The following SYN3 variants were observed in gnomAD, a reference collection of about 807,000 sequenced individuals.
SYN3 encodes synapsin III, also known as synapsin-3.
A neutral mutation model predicts 65.8 loss-of-function variants in SYN3; 35 were observed. That is an observed-to-expected ratio of 0.53 (90% CI 0.41 to 0.70). The LOEUF (loss-of-function observed/expected upper bound fraction) is 0.70, where lower values mean the gene tolerates loss of function less well. Among genes scored for constraint, SYN3 ranks in the 30% least tolerant of loss-of-function variants. The probability of loss-of-function intolerance (pLI) is 0.00; values close to 1 mark genes in which losing one functional copy is unlikely to be tolerated. For synonymous variants in SYN3, 270 were observed against 292.9 expected (o/e 0.92, Z 0.80); for missense variants, 680 against 749.0 (o/e 0.91, Z 1.08).
At chr22:32,563,128 C>T (rs1046919441) in intron 7 of SYN3, among the ~76,000 whole-genome samples, 2 of 152,252 alleles carry the variant, frequency 1.3e-5, no homozygotes, top group Non-Finnish European at 2.9e-5. Flanking sequence ...GTTCCCACTC[C>T]TTCAACTGTA....
intron 6 of SYN3, among the ~76,000 whole-genome samples, chr22:32,824,595 C>T (rs1434211398): frequency 6.6e-6 from 1 of 152,028 alleles, no homozygotes; most frequent in Non-Finnish European, 1.5e-5. Context: ...ATATATATGT[C>T]ATTGAACTCA....
chr22:32,599,314 C>T (rs2146605128), intron 6 of SYN3, among the ~76,000 whole-genome samples: 1 of 149,416 alleles, frequency 6.7e-6, no homozygotes, highest in African/African-American at 2.5e-5. Flanking sequence ...CAGCTGAAGC[C>T]CCTGATGTAC....
At chr22:32,978,845 T>C (rs1422416875) in intron 3 of SYN3, among the ~76,000 whole-genome samples, 4 of 151,988 alleles carry the variant, frequency 2.6e-5, no homozygotes, top group African/African-American at 2.4e-5. Flanking sequence ...ATCTAGCAAA[T>C]AGTAAATGTT....
At chr22:32,540,842 C>T (rs1435728471) in intron 8 of SYN3, among the ~76,000 whole-genome samples, 5 of 152,176 alleles carry the variant, frequency 3.3e-5, no homozygotes, top group African/African-American at 1.2e-4. Context: ...TCCACGGAAT[C>T]ACAATCTTGA....
chr22:33,019,476 C>T (rs1446828658), intron 1 of SYN3, among the ~76,000 whole-genome samples: 2 of 152,104 alleles, frequency 1.3e-5, no homozygotes, highest in African/African-American at 4.8e-5. Context: ...AACCTCCGTG[C>T]CTCAGTTTCC....
chr22:32,782,096 T>C (rs2046080920), intron 6 of SYN3, among the ~76,000 whole-genome samples: 1 of 151,780 alleles, frequency 6.6e-6, no homozygotes. Flanking sequence ...TTTGACAAAG[T>C]TTCACCTTGT....
chr22:32,777,566 T>C (rs956186001), intron 6 of SYN3, among the ~76,000 whole-genome samples: 5 of 152,072 alleles, frequency 3.3e-5, no homozygotes, highest in Admixed American at 6.5e-5. Context: ...CATCCATCCA[T>C]CCCTCATTCA....
chr22:32,763,939 C>T (rs1223137069), intron 6 of SYN3, among the ~76,000 whole-genome samples: 3 of 149,140 alleles, frequency 2.0e-5, no homozygotes, highest in African/African-American at 4.9e-5. Flanking sequence ...AGAAGCCCCC[C>T]CCCCCTTTTT....
At chr22:33,023,863 C>G (rs2053597803) in intron 1 of SYN3, among the ~76,000 whole-genome samples, 1 of 152,142 alleles carries the variant, frequency 6.6e-6, no homozygotes, top group Non-Finnish European at 1.5e-5. Context: ...CAATACTCAC[C>G]TACTCTAAAA....
At chr22:32,619,255 C>T (rs1015461375) in intron 6 of SYN3, among the ~76,000 whole-genome samples, 2 of 152,222 alleles carry the variant, frequency 1.3e-5, no homozygotes, top group Non-Finnish European at 2.9e-5. Flanking sequence ...CGCTTTACCA[C>T]TGGATTTTAA....
intron 6 of SYN3, among the ~76,000 whole-genome samples, chr22:32,708,847 T>C (rs1017309640): frequency 6.6e-6 from 1 of 152,234 alleles, no homozygotes; most frequent in African/African-American, 2.4e-5. Context: ...CACGGGGCCC[T>C]TGAGCCAGCC....
chr22:32,786,268 C>T (rs2046192080), intron 6 of SYN3, among the ~76,000 whole-genome samples: 1 of 152,166 alleles, frequency 6.6e-6, no homozygotes, highest in South Asian at 2.1e-4. Context: ...GAATGCAGGC[C>T]TGTGTGCCTC....
At chr22:33,021,036 AT>A (rs898796027) in intron 1 of SYN3, among the ~76,000 whole-genome samples, 136 of 151,574 alleles carry the variant, frequency 9.0e-4, no homozygotes, top group African/African-American at 3.1e-3. Flanking sequence ...TATTATTCCG[AT>A]TTTTTTTTAG....
At chr22:33,049,284 AATG>A (rs1266471132) in intron 1 of SYN3, among the ~76,000 whole-genome samples, 1 of 152,198 alleles carries the variant, frequency 6.6e-6, no homozygotes, top group Non-Finnish European at 1.5e-5. Flanking sequence ...CCAGGGCTTC[AATG>A]ATGACAGGGC....
Position 32,745,123 on chromosome 22 carries a change from C to T in SYN3, c.711+119792G>A, listed in dbSNP as rs546161237. Among the ~76,000 whole-genome samples, 78 of 152,136 alleles carry T rather than the reference C, an allele frequency of 5.1e-4. 2 individuals are homozygous for T. The highest frequency in any genetic ancestry group is 1.2e-4 in the Non-Finnish European group (8 of 68,022). On this transcript the variant is annotated intron_variant, in intron 6 of 13. Transcript: ENST00000358763. The stretch of plus-strand genomic sequence containing the variant: ...GGTGCAGAAGTTCACTGCTAGGAAC[C>T]AGGAGGAGCCAGGATTTGAATCCAG...
At chr22:32,681,256 A>G (rs940740462) in intron 6 of SYN3, among the ~76,000 whole-genome samples, 1 of 143,580 alleles carries the variant, frequency 7.0e-6, no homozygotes, top group Non-Finnish European at 1.6e-5. Flanking sequence ...GGTTGTTACA[A>G]CTTGGGAGTG....
chr22:32,599,741 T>G (rs2059255011), intron 6 of SYN3, among the ~76,000 whole-genome samples: 1 of 152,132 alleles, frequency 6.6e-6, no homozygotes, highest in African/African-American at 2.4e-5. Flanking sequence ...TAGTGATCAA[T>G]AAAATAATAT....
chr22:32,921,588 T>A (rs1158680861), intron 4 of SYN3, among the ~76,000 whole-genome samples: 1 of 152,210 alleles, frequency 6.6e-6, no homozygotes, highest in Non-Finnish European at 1.5e-5. Context: ...ATCAGAGACC[T>A]GGGTTCAAAT....
chr22:32,596,831 C>A, intron 6 of SYN3, 95 bp from the exon 7 acceptor site: 1 of 1,288,750 alleles, frequency 7.8e-7, no homozygotes, highest in Non-Finnish European at 1.1e-6. Flanking sequence ...CCATTCATTT[C>A]ATATGGTCGG....
Sources: allele counts gnomAD v4.1 joint callset (sites outside exome capture counted in the v4.1 genomes callset), GRCh38; gene constraint gnomAD v4.1.1; transcripts MANE v1.5; gene names NCBI Gene and HGNC (gene_info 2026-07-23, HGNC 2026-07-21).